The following BORCS5 variants were observed in gnomAD, a reference collection of about 807,000 sequenced individuals.
The protein encoded by BORCS5 is BLOC-1 related complex subunit 5.
A neutral mutation model predicts 22.1 loss-of-function variants in BORCS5; 17 were observed. The ratio of observed to expected loss-of-function variants is 0.77; its 90% CI spans 0.53 to 1.15. The LOEUF (loss-of-function observed/expected upper bound fraction) is 1.15. Among genes scored for constraint, BORCS5 ranks in the 50% most tolerant of loss-of-function variants. The probability of loss-of-function intolerance (pLI) is 0.00; values close to 1 mark genes in which losing one functional copy is unlikely to be tolerated. For synonymous variants in BORCS5, 117 were observed against 99.8 expected (o/e 1.17, Z -1.03); for missense variants, 247 against 253.2 (o/e 0.98, Z 0.17).
intron 3 of BORCS5, among the ~76,000 whole-genome samples, chr12:12,437,418 G>A (rs982301915): frequency 6.6e-6 from 1 of 152,206 alleles, no homozygotes; most frequent in Non-Finnish European, 1.5e-5. Flanking sequence ...TATTAGCAAT[G>A]TGAGAACAGA....
intron 3 of BORCS5, among the ~76,000 whole-genome samples, chr12:12,462,354 C>T (rs757327840): frequency 6.6e-6 from 1 of 152,208 alleles, no homozygotes; most frequent in Non-Finnish European, 1.5e-5. Context: ...TTATTCAGGA[C>T]CTGCTATGTG....
At chr12:12,400,681 C>T (rs1016694659) in intron 2 of BORCS5, among the ~76,000 whole-genome samples, 1 of 151,962 alleles carries the variant, frequency 6.6e-6, no homozygotes, top group African/African-American at 2.4e-5. Context: ...TCTTTCCCTG[C>T]AGGAAGAAAA....
At chr12:12,414,155 G>T (rs1319908862) in intron 2 of BORCS5, among the ~76,000 whole-genome samples, 841 of 94,636 alleles carry the variant, frequency 8.9e-3, no homozygotes, top group African/African-American at 0.038. Flanking sequence ...GGCCGGGCGG[G>T]GGGCTGACCC....
intron 2 of BORCS5, among the ~76,000 whole-genome samples, chr12:12,434,254 G>A (rs1942503078): frequency 2.3e-5 from 3 of 131,742 alleles, no homozygotes; most frequent in South Asian, 2.4e-4. Context: ...CTGCACTCCA[G>A]ATGGGCAACA....
intron 2 of BORCS5, among the ~76,000 whole-genome samples, chr12:12,376,619 A>G (rs982570701): frequency 1.1e-4 from 16 of 152,200 alleles, no homozygotes; most frequent in African/African-American, 3.1e-4. Context: ...TGTTATGTCA[A>G]AATTAATTTT....
intron 2 of BORCS5, among the ~76,000 whole-genome samples, chr12:12,383,455 A>G (rs1327824940): frequency 6.6e-6 from 1 of 151,390 alleles, no homozygotes; most frequent in African/African-American, 2.4e-5. Flanking sequence ...ACATATTTAC[A>G]ATTTTTGGTG....
At chr12:12,420,284 A>C (rs1224310748) in intron 2 of BORCS5, among the ~76,000 whole-genome samples, 1 of 152,104 alleles carries the variant, frequency 6.6e-6, no homozygotes, top group East Asian at 1.9e-4. Flanking sequence ...TTTTCCCAGC[A>C]CTATTTATTA....
chr12:12,388,374 G>A (rs1288819779), intron 2 of BORCS5, among the ~76,000 whole-genome samples: 1 of 151,330 alleles, frequency 6.6e-6, no homozygotes, highest in South Asian at 2.1e-4. Context: ...CCTCAAATAG[G>A]ATAGCAATGT....
intron 2 of BORCS5, among the ~76,000 whole-genome samples, chr12:12,405,489 T>C (rs1418863173): frequency 6.6e-6 from 1 of 152,100 alleles, no homozygotes; most frequent in East Asian, 1.9e-4. Context: ...ATCACTGTGA[T>C]TTTTTTATTA....
At chr12:12,423,539 AG>A (rs1260608380) in intron 2 of BORCS5, among the ~76,000 whole-genome samples, 4 of 119,536 alleles carry the variant, frequency 3.3e-5, no homozygotes, top group African/African-American at 1.3e-4. Context: ...CTTGGTTGAC[AG>A]GTTTTTTGTT....
At chr12:12,369,712 CTTTTTTT>C (rs71061052) in intron 2 of BORCS5, among the ~76,000 whole-genome samples, 45 of 42,950 alleles carry the variant, frequency 1.0e-3, no homozygotes, top group African/African-American at 4.4e-3. Context: ...CCCCCCACTT[CTTTTTTT>C]TTTTTTTTTT....
At chr12:12,460,065 T>C (rs1237991382) in intron 3 of BORCS5, among the ~76,000 whole-genome samples, 1 of 152,216 alleles carries the variant, frequency 6.6e-6, no homozygotes, top group African/African-American at 2.4e-5. Context: ...TTCTAGACTT[T>C]TTACTTGGAT....
chr12:12,402,247 T>C (rs931423039), intron 2 of BORCS5, among the ~76,000 whole-genome samples: 32 of 152,146 alleles, frequency 2.1e-4, no homozygotes, highest in Non-Finnish European at 4.4e-4. Flanking sequence ...TAGAAGCCAG[T>C]AACTATTCAT....
intron 2 of BORCS5, among the ~76,000 whole-genome samples, chr12:12,369,712 C>CTTTTTTTTTTTTTTTTTT (rs71061052): frequency 4.7e-5 from 2 of 42,952 alleles, no homozygotes; most frequent in African/African-American, 2.0e-4. Flanking sequence ...CCCCCCACTT[C>CTTTTTTTTTTTTTTTTTT]TTTTTTTTTT....
chr12:12,463,152 C>T (rs1943141793), intron 3 of BORCS5, among the ~76,000 whole-genome samples: 1 of 152,200 alleles, frequency 6.6e-6, no homozygotes, highest in South Asian at 2.1e-4. Flanking sequence ...TACTGGTTTA[C>T]TGCCTACAGT....
intron 3 of BORCS5, 131 bp downstream of exon 3, chr12:12,435,916 G>A: frequency 1.1e-6 from 1 of 912,076 alleles, no homozygotes; most frequent in South Asian, 1.9e-5. Context: ...AGTAAAATGT[G>A]ATGATGAAAA....
chr12:12,402,022 C>T (rs1254296963), intron 2 of BORCS5, among the ~76,000 whole-genome samples: 12 of 148,370 alleles, frequency 8.1e-5, no homozygotes, highest in Non-Finnish European at 1.8e-4. Context: ...GCCAAGATGG[C>T]GCCACTGCAC....
intron 2 of BORCS5, among the ~76,000 whole-genome samples, chr12:12,396,385 C>A (rs575841115): frequency 1.3e-5 from 2 of 152,326 alleles, no homozygotes; most frequent in Admixed American, 1.3e-4. Context: ...GCCTAGCATC[C>A]GCACAATGCC....
At chr12:12,384,312 C>G (rs1441480928) in intron 2 of BORCS5, among the ~76,000 whole-genome samples, 4 of 150,302 alleles carry the variant, frequency 2.7e-5, no homozygotes, top group African/African-American at 9.8e-5. Flanking sequence ...TAATTTCTGT[C>G]TCCTTATAGG....
Sources: allele counts gnomAD v4.1 joint callset (sites outside exome capture counted in the v4.1 genomes callset), GRCh38; gene constraint gnomAD v4.1.1; transcripts MANE v1.5; gene names NCBI Gene and HGNC (gene_info 2026-07-23, HGNC 2026-07-21).